PRKD1: variants seen among roughly 807,000 people sequenced by gnomAD.
PRKD1 encodes the protein serine/threonine-protein kinase D1.
Under a neutral mutation model 95.9 loss-of-function variants are expected in PRKD1, and 63 were observed. The ratio of observed to expected loss-of-function variants is 0.66; its 90% CI spans 0.54 to 0.81. The LOEUF (loss-of-function observed/expected upper bound fraction) is 0.81. Among genes scored for constraint, PRKD1 ranks in the 30% least tolerant of loss-of-function variants. PRKD1 has a pLI of 0.00. For synonymous variants in PRKD1, 425 were observed against 423.1 expected, an observed-to-expected ratio of 1.00 and a Z score of -0.05; for missense variants, 1,048 against 1,165.3, an observed-to-expected ratio of 0.90 and a Z score of 1.47.
chr14:29,877,759 A>G (rs1045196152), intron 1 of PRKD1, among the ~76,000 whole-genome samples: 8 of 152,212 alleles, frequency 5.3e-5, no homozygotes, highest in Non-Finnish European at 7.4e-5. Context: ...TAAAGAGCTA[A>G]AAACAGAACT....
intron 13 of PRKD1, among the ~76,000 whole-genome samples, chr14:29,618,116 T>A (rs780649216): frequency 1.3e-5 from 2 of 152,192 alleles, no homozygotes; most frequent in Non-Finnish European, 2.9e-5. Context: ...TTGCATGTCC[T>A]TATGAAGGTC....
At chr14:29,651,541 T>A (rs902694613) in intron 4 of PRKD1, among the ~76,000 whole-genome samples, 128 of 152,100 alleles carry the variant, frequency 8.4e-4, no homozygotes, top group Non-Finnish European at 1.6e-4. Flanking sequence ...ACACAAATAT[T>A]TTAGAGGCTG....
chr14:29,775,593 T>G (rs1888705805), intron 1 of PRKD1, among the ~76,000 whole-genome samples: 1 of 152,078 alleles, frequency 6.6e-6, no homozygotes, highest in Non-Finnish European at 1.5e-5. Context: ...CAGCAAGTCT[T>G]GGGGAGGGGC....
chr14:29,829,050 A>G (rs915193267), intron 1 of PRKD1, among the ~76,000 whole-genome samples: 1 of 152,232 alleles, frequency 6.6e-6, no homozygotes, highest in Non-Finnish European at 1.5e-5. Context: ...CAGGCCACGC[A>G]TTATGAACAT....
chr14:29,719,382 A>C (rs993218566), intron 2 of PRKD1, among the ~76,000 whole-genome samples: 1 of 152,194 alleles, frequency 6.6e-6, no homozygotes, highest in African/African-American at 2.4e-5. Context: ...GTCTATGACA[A>C]ACATCATCTC....
At chr14:29,880,450 G>T (rs1282669302) in intron 1 of PRKD1, among the ~76,000 whole-genome samples, 1 of 152,182 alleles carries the variant, frequency 6.6e-6, no homozygotes, top group African/African-American at 2.4e-5. Flanking sequence ...AGAAATGCCT[G>T]GATTCCCAGG....
chr14:29,700,336 G>C (rs1298216257), intron 2 of PRKD1, among the ~76,000 whole-genome samples: 2 of 152,214 alleles, frequency 1.3e-5, no homozygotes, highest in South Asian at 4.2e-4. Context: ...GTTTGAATAA[G>C]AGCTGAATGA....
chr14:29,630,540 A>T, intron 10 of PRKD1: 1 of 627,874 alleles, frequency 1.6e-6, no homozygotes, highest in Non-Finnish European at 2.7e-6. Flanking sequence ...AATAGCTATA[A>T]TAAAATAGGA....
At chr14:29,906,168 T>G (rs1051857454) in intron 1 of PRKD1, among the ~76,000 whole-genome samples, 1 of 151,974 alleles carries the variant, frequency 6.6e-6, no homozygotes, top group Non-Finnish European at 1.5e-5. Context: ...ATACCCACCA[T>G]CTAGTATATA....
intron 1 of PRKD1, among the ~76,000 whole-genome samples, chr14:29,816,701 G>C (rs1198237416): frequency 6.6e-6 from 1 of 152,124 alleles, no homozygotes; most frequent in Non-Finnish European, 1.5e-5. Flanking sequence ...TTTGGTTTCA[G>C]GGTGTCTTTA....
chr14:29,808,100 G>T (rs1332509163), intron 1 of PRKD1, among the ~76,000 whole-genome samples: 2 of 152,114 alleles, frequency 1.3e-5, no homozygotes, highest in Admixed American at 1.3e-4. Flanking sequence ...TGTAGCATGT[G>T]ATGCTTTTTG....
chr14:29,721,672 T>A (rs1885904335), intron 2 of PRKD1, among the ~76,000 whole-genome samples: 1 of 151,826 alleles, frequency 6.6e-6, no homozygotes, highest in Admixed American at 6.6e-5. Context: ...AACTTCACTC[T>A]GGTAAAAAAA....
At chr14:29,859,055 C>T (rs975110930) in intron 1 of PRKD1, among the ~76,000 whole-genome samples, 1 of 152,202 alleles carries the variant, frequency 6.6e-6, no homozygotes, top group African/African-American at 2.4e-5. Flanking sequence ...GTCATACTAA[C>T]TGTTATAAAA....
At chr14:29,673,968 C>A (rs1324173487) in intron 2 of PRKD1, among the ~76,000 whole-genome samples, 2 of 152,048 alleles carry the variant, frequency 1.3e-5, no homozygotes, top group Non-Finnish European at 2.9e-5. Context: ...ACCTCAGTGT[C>A]CCTTTCTATA....
chr14:29,693,005 G>A (rs776440988), intron 2 of PRKD1, among the ~76,000 whole-genome samples: 7 of 152,234 alleles, frequency 4.6e-5, no homozygotes, highest in Middle Eastern at 3.4e-3. Flanking sequence ...TTTCCTAAAC[G>A]ATTGCTCAGT....
chr14:29,640,293 T>G (rs1880673572), intron 4 of PRKD1, among the ~76,000 whole-genome samples: 1 of 152,324 alleles, frequency 6.6e-6, no homozygotes, highest in East Asian at 1.9e-4. Flanking sequence ...TTTAAATGAT[T>G]ACTGATAAGA....
rs1195410674 is a variant in PRKD1, at chr14:29,624,168, T to A, written c.1889A>T (p.Glu630Val). The change falls in exon 13 of 18, where the codon GAG becomes GTG. Residue 630 changes from glutamate (E) to valine (V), a missense_variant. This residue lies in a region of PRKD1 where 739 missense variants were observed against 861.9 expected (regional missense o/e 0.86). Coordinates refer to ENST00000331968, the MANE Select transcript of PRKD1 (RefSeq NM_002742.3). ...AAGAAGTACCTGTAGAATTGCAACC[T>A]CATTACGAAGCTGGCTTTCTTGTTT... ...PTKQESQLRN[E>V]VAILQNLHHP... 6.2e-7 allele frequency: 1 copy of A among 1,604,974 alleles called. No homozygotes were observed. The highest frequency in any genetic ancestry group is 1.1e-5 in the South Asian group (1 of 89,776).
chr14:29,771,967 T>C (rs1888528506), intron 1 of PRKD1, among the ~76,000 whole-genome samples: 1 of 152,256 alleles, frequency 6.6e-6, no homozygotes, highest in African/African-American at 2.4e-5. Flanking sequence ...TCCACCACTG[T>C]ATTTTCAAAA....
intron 1 of PRKD1, among the ~76,000 whole-genome samples, chr14:29,906,522 T>C (rs1469923085): frequency 2.0e-5 from 3 of 146,412 alleles, no homozygotes; most frequent in African/African-American, 5.4e-5. Flanking sequence ...AGACCTTGTA[T>C]CAATTTAACC....
Sources: allele counts gnomAD v4.1 joint callset (sites outside exome capture counted in the v4.1 genomes callset), GRCh38; gene constraint gnomAD v4.1.1; regional missense constraint gnomAD v4.1.1; transcripts MANE v1.5; gene names NCBI Gene and HGNC (gene_info 2026-07-23, HGNC 2026-07-21).